The following TASP1 variants were observed in gnomAD, a reference collection of about 807,000 sequenced individuals.
TASP1 encodes threonine aspartase 1.
A neutral mutation model predicts 56.6 loss-of-function variants in TASP1; 16 were observed. The observed-to-expected ratio is 0.28, with a 90% CI of 0.19 to 0.43. TASP1 has a LOEUF of 0.43. TASP1 is among the 20% of genes least tolerant of loss of function. The probability of loss-of-function intolerance (pLI) is 1.00; values close to 1 mark genes in which losing one functional copy is unlikely to be tolerated. For missense variants in TASP1, 393 were observed against 511.6 expected, an observed-to-expected ratio of 0.77 and a Z score of 2.24; for synonymous variants, 179 against 184.2, an observed-to-expected ratio of 0.97 and a Z score of 0.23.
chr20:13,298,567 T>G, the TASP1 span, among the ~76,000 whole-genome samples: 2 of 152,214 alleles, frequency 1.3e-5, no homozygotes, highest in African/African-American at 4.8e-5. Flanking sequence ...CCACAACATT[T>G]TTTAAAAGAT....
chr20:13,342,481 C>T, the TASP1 span, among the ~76,000 whole-genome samples: 1 of 152,132 alleles, frequency 6.6e-6, no homozygotes, highest in Middle Eastern at 3.2e-3. Context: ...GTGACAGCCT[C>T]GGGACACAGG....
chr20:13,624,408 T>C (rs1354550526), intron 3 of TASP1, among the ~76,000 whole-genome samples: 3 of 151,952 alleles, frequency 2.0e-5, no homozygotes, highest in Non-Finnish European at 4.4e-5. Context: ...AAGAACAAAA[T>C]CCCTGTAACA....
At chr20:13,181,311 C>A in the TASP1 span, among the ~76,000 whole-genome samples, 3 of 152,110 alleles carry the variant, frequency 2.0e-5, no homozygotes, top group Non-Finnish European at 4.4e-5. Flanking sequence ...CATCAATGAA[C>A]CCTTTACGGC....
At chr20:13,638,401 TTCC>T (rs1436851597) in intron 1 of TASP1, among the ~76,000 whole-genome samples, 1 of 151,606 alleles carries the variant, frequency 6.6e-6, no homozygotes, top group Non-Finnish European at 1.5e-5. Flanking sequence ...TCTCGGTCCT[TTCC>T]TCCTCCTCTT....
At chr20:13,472,033 A>C (rs1213535074) in intron 11 of TASP1, among the ~76,000 whole-genome samples, 1 of 151,984 alleles carries the variant, frequency 6.6e-6, no homozygotes, top group Non-Finnish European at 1.5e-5. Context: ...TGCATTGCCA[A>C]GACAATCCTA....
At chr20:13,219,942 G>C in the TASP1 span, among the ~76,000 whole-genome samples, 2 of 152,202 alleles carry the variant, frequency 1.3e-5, no homozygotes, top group Admixed American at 6.5e-5. Context: ...AAGGAAGGTA[G>C]GAAATTGGGG....
rs190734414 is a variant in TASP1, at chr20:13,428,767, C to T, written c.1096+6277G>A. Among the ~76,000 whole-genome samples the T allele has an allele frequency of 3.3e-5, 5 of 152,174 alleles. No homozygotes were observed. In the East Asian group the frequency reaches 9.6e-4, roughly 29 times the overall value. On this transcript the variant is annotated intron_variant, in intron 12 of 13. Coordinates refer to ENST00000337743, the MANE Select transcript of TASP1 (RefSeq NM_017714.3). ...AAAATCATCTAGTTCTTGGATGCTC[C>T]TCATTATCCAACATTTCCAACCAAT...
the TASP1 span, among the ~76,000 whole-genome samples, chr20:13,286,824 C>T: frequency 6.6e-6 from 1 of 152,218 alleles, no homozygotes; most frequent in Non-Finnish European, 1.5e-5. Context: ...CCTGCTGGGC[C>T]TATGTAATAA....
intron 11 of TASP1, among the ~76,000 whole-genome samples, chr20:13,437,442 C>T (rs6109880): frequency 0.017 from 2,579 of 152,238 alleles, 76 homozygotes; most frequent in African/African-American, 0.057. Flanking sequence ...CCTTTGAAAA[C>T]TGGCACAAGA....
the TASP1 span, among the ~76,000 whole-genome samples, chr20:13,323,661 T>G: frequency 0.13 from 20,490 of 152,248 alleles, 1,674 homozygotes; most frequent in Non-Finnish European, 0.18. Flanking sequence ...ATTTATTCCT[T>G]TAGACCTGAT....
intron 10 of TASP1, among the ~76,000 whole-genome samples, chr20:13,500,402 A>G (rs1415747705): frequency 2.0e-5 from 3 of 150,526 alleles, no homozygotes; most frequent in Admixed American, 1.3e-4. Flanking sequence ...TAATTATAAG[A>G]CATATGAAAA....
the TASP1 span, among the ~76,000 whole-genome samples, chr20:13,263,346 C>G: frequency 2.0e-5 from 3 of 152,016 alleles, no homozygotes; most frequent in Admixed American, 6.6e-5. Flanking sequence ...CCCACCACCC[C>G]CTGCTTCCAC....
intron 8 of TASP1, among the ~76,000 whole-genome samples, chr20:13,543,342 T>TA (rs2045692786): frequency 6.6e-6 from 1 of 152,296 alleles, no homozygotes; most frequent in South Asian, 2.1e-4. Context: ...CTCACGCCTG[T>TA]AATCCCTACA....
the TASP1 span, among the ~76,000 whole-genome samples, chr20:13,162,915 A>T: frequency 6.6e-6 from 1 of 151,772 alleles, no homozygotes; most frequent in Non-Finnish European, 1.5e-5. Context: ...CTCCCATCTC[A>T]GCAAGCTAAA....
intron 11 of TASP1, among the ~76,000 whole-genome samples, chr20:13,445,523 G>A (rs938234529): frequency 1.3e-5 from 2 of 152,320 alleles, no homozygotes; most frequent in Non-Finnish European, 2.9e-5. Flanking sequence ...ACAGTGATGA[G>A]TTGAGACAGG....
At chr20:13,342,786 G>A in the TASP1 span, among the ~76,000 whole-genome samples, 5 of 152,142 alleles carry the variant, frequency 3.3e-5, no homozygotes, top group African/African-American at 1.2e-4. Context: ...CTCCCTTCTG[G>A]ACTGGGTTAA....
the TASP1 span, among the ~76,000 whole-genome samples, chr20:13,230,519 A>C: frequency 6.6e-6 from 1 of 152,102 alleles, no homozygotes; most frequent in African/African-American, 2.4e-5. Flanking sequence ...TTTCTTTTGC[A>C]ACCCTTGGCT....
chr20:13,313,485 C>A, the TASP1 span, among the ~76,000 whole-genome samples: 2 of 152,196 alleles, frequency 1.3e-5, no homozygotes, highest in Non-Finnish European at 2.9e-5. Context: ...CACCTCACTT[C>A]CATTTTCTGT....
the TASP1 span, among the ~76,000 whole-genome samples, chr20:13,294,029 G>T: frequency 7.2e-5 from 11 of 152,052 alleles, no homozygotes; most frequent in Admixed American, 4.6e-4. Context: ...CAGTGTCGGG[G>T]GCAGTAGAGA....
Sources: allele counts gnomAD v4.1 joint callset (sites outside exome capture counted in the v4.1 genomes callset), GRCh38; gene constraint gnomAD v4.1.1; transcripts MANE v1.5; gene names NCBI Gene and HGNC (gene_info 2026-07-23, HGNC 2026-07-21).